CRISPLD1: variants seen among roughly 807,000 people sequenced by gnomAD.
CRISPLD1 encodes the protein cysteine-rich secretory protein LCCL domain-containing 1.
CRISPLD1 carries 60 observed loss-of-function variants against 77.5 expected under a neutral mutation model. The ratio of observed to expected loss-of-function variants is 0.77; its 90% CI spans 0.63 to 0.96. The LOEUF (loss-of-function observed/expected upper bound fraction) is 0.96, where lower values mean the gene tolerates loss of function less well. CRISPLD1 is among the 40% of genes least tolerant of loss of function. The pLI is 0.00. For missense variants in CRISPLD1, 623 were observed against 615.8 expected, an observed-to-expected ratio of 1.01 and a Z score of -0.12; for synonymous variants, 195 against 200.1, an observed-to-expected ratio of 0.97 and a Z score of 0.22.
At chr8:75,010,042 TG>T in intron 2 of CRISPLD1, among the ~76,000 whole-genome samples, 1 of 152,254 alleles carries the variant, frequency 6.6e-6, no homozygotes, top group Non-Finnish European at 1.5e-5. Context: ...CTTGAATATT[TG>T]ACACTAATTG....
intron 2 of CRISPLD1, among the ~76,000 whole-genome samples, chr8:75,010,973 C>A (rs1812918903): frequency 6.6e-6 from 1 of 151,920 alleles, no homozygotes; most frequent in African/African-American, 2.4e-5. Flanking sequence ...AATACCTAGA[C>A]ACACACTTGT....
At chr8:75,013,866 G>T (rs1002763440) in intron 4 of CRISPLD1, 121 bp from the exon 5 acceptor site, 5 of 671,004 alleles carry the variant, frequency 7.5e-6, no homozygotes, top group Non-Finnish European at 1.3e-5. Context: ...TTTGATCTCA[G>T]TTCATTTTGA....
intron 2 of CRISPLD1, among the ~76,000 whole-genome samples, chr8:74,991,558 C>CGGAG (rs1812573643): frequency 2.6e-5 from 4 of 152,186 alleles, no homozygotes; most frequent in Non-Finnish European, 5.9e-5. Flanking sequence ...GGCATAACTC[C>CGGAG]TTATGCCCTT....
intron 12 of CRISPLD1, among the ~76,000 whole-genome samples, chr8:75,022,467 T>C (rs937691567): frequency 6.6e-6 from 1 of 151,762 alleles, no homozygotes; most frequent in Non-Finnish European, 1.5e-5. Flanking sequence ...CGGGTGCCTG[T>C]AGTCCCAGCT....
chr8:75,027,470 T>C (rs762234945), intron 13 of CRISPLD1, among the ~76,000 whole-genome samples: 7 of 152,232 alleles, frequency 4.6e-5, no homozygotes, highest in Non-Finnish European at 8.8e-5. Context: ...AAATATCCTG[T>C]ATACTTCTAT....
Position 74,986,346 on chromosome 8 carries a change from T to C in CRISPLD1, c.258+101T>C, listed in dbSNP as rs903289986. 36 of 1,237,114 alleles carry C rather than the reference T, an allele frequency of 2.9e-5. No individual in the cohort carries two copies. In the East Asian group the frequency reaches 7.9e-4, roughly 27 times the overall value. 76.6% of individuals were successfully genotyped at this position (1,237,114 alleles called of 1,614,324 possible). ...CTTTAATCATTTATTTTATATGAAGTTGAAAAAAGATTTTCTTTGAGGGTA... is the reference window on the plus strand; with the variant it reads ...CTTTAATCATTTATTTTATATGAAGCTGAAAAAAGATTTTCTTTGAGGGTA... On this transcript the variant is annotated intron_variant, in intron 2 of 14. Coordinates refer to ENST00000262207, the MANE Select transcript of CRISPLD1 (RefSeq NM_031461.6).
intron 12 of CRISPLD1, among the ~76,000 whole-genome samples, chr8:75,024,875 A>G (rs1195469003): frequency 1.3e-5 from 2 of 152,142 alleles, no homozygotes; most frequent in South Asian, 4.1e-4. Flanking sequence ...GAGGATAGAA[A>G]GGTTTCTGGC....
At chr8:75,028,876 A>T (rs1343906847) in intron 13 of CRISPLD1, among the ~76,000 whole-genome samples, 1 of 152,096 alleles carries the variant, frequency 6.6e-6, no homozygotes, top group Non-Finnish European at 1.5e-5. Flanking sequence ...TAAGAAAAAA[A>T]CTGCCCCATT....
intron 2 of CRISPLD1, among the ~76,000 whole-genome samples, chr8:75,011,613 T>G (rs1432302663): frequency 6.6e-6 from 1 of 152,146 alleles, no homozygotes; most frequent in Non-Finnish European, 1.5e-5. Flanking sequence ...CAGTAATCAT[T>G]TCACTAAAAT....
At chr8:75,017,251 G>T in intron 9 of CRISPLD1, 69 bp from the exon 10 acceptor site, 1 of 1,560,716 alleles carries the variant, frequency 6.4e-7, no homozygotes, top group South Asian at 1.1e-5. Context: ...CACATAAGTG[G>T]TAAATAGTTG....
intron 2 of CRISPLD1, among the ~76,000 whole-genome samples, chr8:75,005,350 G>A (rs1335699338): frequency 6.6e-6 from 1 of 152,090 alleles, no homozygotes; most frequent in Non-Finnish European, 1.5e-5. Context: ...GCTCCGTAAT[G>A]TTAGAGATAA....
chr8:75,010,732 C>G (rs1812914510), intron 2 of CRISPLD1, among the ~76,000 whole-genome samples: 1 of 151,986 alleles, frequency 6.6e-6, no homozygotes, highest in Non-Finnish European at 1.5e-5. Context: ...TGCCTGGCTT[C>G]TTTTGTTATC....
chr8:75,019,611 G>A (rs115450049), intron 10 of CRISPLD1, among the ~76,000 whole-genome samples: 9,496 of 151,652 alleles, frequency 0.063, 341 homozygotes, highest in South Asian at 0.083. Context: ...TATATATATA[G>A]TTCTATGCTA....
At chr8:75,013,933 T>G (rs1812980545) in intron 4 of CRISPLD1, 54 bp from the exon 5 acceptor site, 1 of 1,126,222 alleles carries the variant, frequency 8.9e-7, no homozygotes, top group Admixed American at 1.7e-5. Flanking sequence ...TCAGAAGTGT[T>G]GTCCTATTTC....
intron 2 of CRISPLD1, among the ~76,000 whole-genome samples, chr8:74,990,202 G>A (rs1812551770): frequency 6.6e-6 from 1 of 151,598 alleles, no homozygotes; most frequent in South Asian, 2.1e-4. Flanking sequence ...TATTTGGGTG[G>A]TAGTTACACT....
chr8:75,002,366 C>A (rs922913104), intron 2 of CRISPLD1, among the ~76,000 whole-genome samples: 6 of 147,226 alleles, frequency 4.1e-5, no homozygotes, highest in Non-Finnish European at 1.5e-5. Flanking sequence ...TCATTAAGAT[C>A]TAGTATGTGT....
chr8:75,012,399 C>A, intron 2 of CRISPLD1, 34 bp from the exon 3 acceptor site: 1 of 1,248,850 alleles, frequency 8.0e-7, no homozygotes, highest in Non-Finnish European at 1.2e-6. Context: ...CCAAATGCTA[C>A]ATGTGCACAT....
chr8:75,006,045 T>C (rs1275946421), intron 2 of CRISPLD1, among the ~76,000 whole-genome samples: 1 of 152,118 alleles, frequency 6.6e-6, no homozygotes, highest in African/African-American at 2.4e-5. Context: ...CAATTACCAG[T>C]AGGTGATTTT....
chr8:75,013,617 A>T (rs763575132), intron 4 of CRISPLD1, among the ~76,000 whole-genome samples: 83 of 152,068 alleles, frequency 5.5e-4, no homozygotes, highest in Admixed American at 1.0e-3. Flanking sequence ...GAACATGTAA[A>T]TTTTTGCTCC....
Sources: gnomAD v4.1 joint callset for allele counts (sites outside exome capture counted in the v4.1 genomes callset) on GRCh38, gnomAD v4.1.1 for gene constraint, MANE v1.5 for transcripts, NCBI Gene and HGNC (gene_info 2026-07-23, HGNC 2026-07-21) for gene names.